The following PKD1 variants were observed in gnomAD, a reference collection of about 807,000 sequenced individuals.
PKD1 encodes the protein polycystin 1, transient receptor potential channel interacting, also known as polycystin-1.
PKD1 carries 81 observed loss-of-function variants against 361.7 expected under a neutral mutation model. The observed-to-expected ratio is 0.22, with a 90% CI of 0.19 to 0.27. The LOEUF (loss-of-function observed/expected upper bound fraction) is 0.27. Ranked by LOEUF, PKD1 falls within the 10% of genes least tolerant of loss-of-function variation. The pLI is 1.00. For missense variants in PKD1, 6,399 were observed against 6,118.3 expected, an observed-to-expected ratio of 1.05 and a Z score of -1.53; for synonymous variants, 3,615 against 2,818.3, an observed-to-expected ratio of 1.28 and a Z score of -8.95.
chr16:2,108,613 T>C lies in PKD1; in HGVS notation c.6554A>G (p.Tyr2185Cys). 1 of 1,559,108 alleles carries C rather than the reference T, an allele frequency of 6.4e-7. No homozygotes were observed. Among genetic ancestry groups the C allele is most frequent in the Non-Finnish European group, 8.7e-7 (1 of 1,152,386 alleles). The part of the protein sequence containing the change: ...LRDCVTYQTE[Y>C]RWEVYRTASC... ...GGCGGTGCGATACACCTCCCAGCGG[T>C]ACTCAGTCTGGTAGGTGACGCAGTC... The change falls in exon 15 of 46, where the codon TAC (tyrosine) becomes TGC (cysteine). Residue 2185 changes from tyrosine to cysteine, a missense_variant. Transcript: ENST00000262304.
chr16:2,111,957 C>T (rs1035273206), intron 14 of PKD1, 86 bp from the exon 15 acceptor site: 5 of 1,407,114 alleles, frequency 3.6e-6, no homozygotes, highest in South Asian at 2.4e-5. Flanking sequence ...CTGAGGAGCC[C>T]GGGGTGAACG....
Position 2,135,643 on chromosome 16 carries a change from C to T in PKD1, c.47G>A (p.Gly16Asp). 1.2e-6 allele frequency: 1 copy of T among 851,888 alleles called. No homozygotes were observed. 52.8% of individuals were successfully genotyped at this position (851,888 alleles called of 1,614,324 possible). Residue 16 changes from glycine (G) to aspartate (D), a missense_variant, in exon 1 of 46, where the codon GGC (glycine) becomes GAC (aspartate). Gly to Asp is a moderately conservative substitution (Grantham distance 94). Coordinates refer to ENST00000262304, the MANE Select transcript of PKD1 (RefSeq NM_001009944.3). ...CCCCGCCAGCGCCCCGAGCCACAGG[C>T]CCAGGCCCAGGGCCAGCGCCAGGCG... ...PARLALALGL[G>D]LWLGALAGGP...
intron 1 of PKD1, among the ~76,000 whole-genome samples, chr16:2,130,140 C>T (rs1203934253): frequency 6.6e-6 from 1 of 152,332 alleles, no homozygotes; most frequent in African/African-American, 2.4e-5. Context: ...AAGAAACTAC[C>T]GTTTCTCACG....
rs1435186711 is a variant in PKD1 at position 2,102,399 on chromosome 16, A to G, written c.9183T>C (p.His3061=). ...CACTCACAGGAAACACAAAGCGGAC[A>G]TGGCTTGGGGGCACGAAGAGGCTGG... ...FGASLFVPPS[H]VRFVFPEPTA... The change falls in exon 25 of 46, where the codon CAT becomes CAC. Residue 3061 remains histidine, a synonymous_variant. Coordinates refer to ENST00000262304, the MANE Select transcript of PKD1 (RefSeq NM_001009944.3). The G allele has an allele frequency of 1.9e-6, 3 of 1,558,842 alleles. No individual in the cohort carries two copies. The highest frequency in any genetic ancestry group is 4.8e-5 in the East Asian group (2 of 42,006).
rs142285430 is a variant in PKD1 at position 2,088,881 on chromosome 16, G to GCGCGCGCACACACACACACACA, written c.*845_*846insTGTGTGTGTGTGTGTGCGCGCG. 2.4e-6 allele frequency: 1 copy of GCGCGCGCACACACACACACACA among 420,700 alleles called. No homozygotes were observed. The allele number at this position is 420,700 out of a possible 1,614,324, so 26.1% of individuals were successfully genotyped here. A position where few individuals can be genotyped will look rare whatever the true frequency, so the allele number is the denominator to read the frequency against. On this transcript the variant is annotated 3_prime_UTR_variant, in exon 46 of 46. Transcript: ENST00000262304. Reference sequence around the variant, plus strand: ...ACAGCACACTCGCGCGTGCGCGCGCGCACACACACACACACACAGTCACCT... The same window carrying GCGCGCGCACACACACACACACA: ...ACAGCACACTCGCGCGTGCGCGCGCGCGCGCGCACACACACACACACACACACACACACACACACAGTCACCT...
At chr16:2,092,404 TG>T (rs1411117817) in intron 39 of PKD1, 75 bp downstream of exon 39, 3 of 1,109,204 alleles carry the variant, frequency 2.7e-6, no homozygotes, top group African/African-American at 3.1e-5. Context: ...GCAGGGCTGA[TG>T]CCAGAGCTCC....
Position 2,106,651 on chromosome 16 carries a change from G to C in PKD1, c.7236C>G (p.Asn2412Lys). 6.3e-7 allele frequency: 1 copy of C among 1,597,588 alleles called. No homozygotes were observed. Among genetic ancestry groups the C allele is most frequent in the South Asian group, 1.1e-5 (1 of 90,848 alleles). Residue 2412 changes from asparagine to lysine, a missense_variant, in exon 18 of 46, where the codon AAC becomes AAG. Asn to Lys is a moderately conservative substitution (Grantham distance 94). Transcript: ENST00000262304. The surrounding 1 kb of genome is among the most constrained non-coding windows in gnomAD (Gnocchi z 6.5). ...RGRWAARTFSNKTLVLDETTT... is the reference protein window; with the variant it reads ...RGRWAARTFSKKTLVLDETTT... Reference sequence around the variant, plus strand: ...TGGTCTCATCCAGCACCAGCGTCTTGTTGCTGAACGTACGTGCAGCCCACC... The same window carrying C: ...TGGTCTCATCCAGCACCAGCGTCTTCTTGCTGAACGTACGTGCAGCCCACC...
In PKD1 at chr16:2,116,867, C is replaced by G; in HGVS notation, c.1572G>C (p.Ala524=). ...TGWCNTDLCS[A]PHSYVCELQP... is the part of the protein sequence containing the mutation. Reference sequence around the variant, plus strand: ...GCAGCTCGCAGACGTAGCTGTGCGGCGCTGAGCACAGGTCGGTGTTACACC... The same window carrying G: ...GCAGCTCGCAGACGTAGCTGTGCGGGGCTGAGCACAGGTCGGTGTTACACC... The change falls in exon 7 of 46, where the codon GCG becomes GCC. Residue 524 remains alanine, a synonymous_variant. Coordinates refer to ENST00000262304, the MANE Select transcript of PKD1 (RefSeq NM_001009944.3). The G allele has an allele frequency of 6.5e-7, 1 of 1,531,528 alleles. No homozygotes were observed. Among genetic ancestry groups the G allele is most frequent in the Non-Finnish European group, 8.7e-7 (1 of 1,143,254 alleles). The allele number at this position is 1,531,528 out of a possible 1,614,324, so 94.9% of individuals were successfully genotyped here.
chr16:2,121,632 C>CTGGG (rs1415539815), intron 1 of PKD1, among the ~76,000 whole-genome samples: 1 of 151,936 alleles, frequency 6.6e-6, no homozygotes, highest in African/African-American at 2.4e-5. Context: ...AGACAGAGAG[C>CTGGG]TGGGGCAAAC....
intron 8 of PKD1, 32 bp downstream of exon 8, chr16:2,116,497 G>C: frequency 8.3e-7 from 1 of 1,209,900 alleles, no homozygotes; most frequent in Non-Finnish European, 1.2e-6. Context: ...GCAGGCAGGA[G>C]GGCAGGTTGT....
Position 2,090,360 on chromosome 16 carries a change from C to T in PKD1, c.12369G>A (p.Glu4123=), listed in dbSNP as rs747901280. ...LRGELYRPAW[E]PQDYEMVELF... ...ACTCCACCATCTCGTAGTCCTGGGG[C>T]TCCCAGGCCGGCCGGTACAGCTCTC... Residue 4123 remains glutamate, a synonymous_variant, in exon 45 of 46, where the codon GAG becomes GAA. Transcript: ENST00000262304. The T allele has an allele frequency of 2.7e-5, 43 of 1,612,498 alleles. No individual in the cohort carries two copies. The highest frequency in any genetic ancestry group is 3.4e-5 in the Non-Finnish European group (40 of 1,179,896).
chr16:2,120,206 T>C (rs945738216), intron 1 of PKD1: 6 of 297,208 alleles, frequency 2.0e-5, no homozygotes, highest in African/African-American at 6.5e-5. Context: ...GGCGAGACTC[T>C]ACCTCAAAAA....
Position 2,089,598 on chromosome 16 carries a change from G to A in PKD1, c.*129C>T, listed in dbSNP as rs996975085. The A allele has an allele frequency of 5.8e-5, 67 of 1,156,160 alleles. No individual in the cohort carries two copies. Among genetic ancestry groups the A allele is most frequent in the Non-Finnish European group, 7.7e-5 (62 of 810,210 alleles). 71.6% of individuals were successfully genotyped at this position (1,156,160 alleles called of 1,614,324 possible). On this transcript the variant is annotated 3_prime_UTR_variant, in exon 46 of 46. Coordinates refer to ENST00000262304, the MANE Select transcript of PKD1 (RefSeq NM_001009944.3). ...TGCTGAAGCCCACAGACAGACAGAT[G>A]CCCCTGCCTGCTCTCTGGGGAACCT...
In PKD1 at chr16:2,102,197, G is replaced by C. The variant is rs994900237; in HGVS notation, c.9261C>G (p.Thr3087=). The C allele has an allele frequency of 3.2e-5, 48 of 1,512,316 alleles. No homozygotes were observed. The African/African-American group carries it at 3.6e-4, about 11-fold the overall frequency. 93.7% of individuals were successfully genotyped at this position (1,512,316 alleles called of 1,614,324 possible). A position where few individuals can be genotyped will look rare whatever the true frequency, so the allele number is the denominator to read the frequency against. The stretch of plus-strand genomic sequence containing the variant: ...GCAGGATGGCGGCCATGACCATGTA[G>C]GTCACCAGGCACACAGCACATGTCA... ...VMLTCAVCLV[T]YMVMAAILHK... is the part of the protein sequence containing the mutation. Residue 3087 remains threonine, a synonymous_variant, in exon 26 of 46, where the codon ACC becomes ACG. Transcript: ENST00000262304.
chr16:2,104,986 G>A (rs1397172428), intron 21 of PKD1, among the ~76,000 whole-genome samples: 1 of 94,198 alleles, frequency 1.1e-5, no homozygotes, highest in Non-Finnish European at 2.3e-5. Flanking sequence ...GGGGAGGAGG[G>A]GAAGGGCTAG....
chr16:2,133,882 G>A (rs1230455819), intron 1 of PKD1, among the ~76,000 whole-genome samples: 3 of 151,832 alleles, frequency 2.0e-5, no homozygotes, highest in Non-Finnish European at 2.9e-5. Context: ...AGGCAGGGGC[G>A]GGGGCTCCAC....
chr16:2,118,443 G>A lies in PKD1; in HGVS notation c.549C>T (p.Cys183=), dbSNP rs1391551574. Residue 183 remains cysteine (C), a synonymous_variant, in exon 5 of 46, where the codon TGC becomes TGT. Coordinates refer to ENST00000262304, the MANE Select transcript of PKD1 (RefSeq NM_001009944.3). The surrounding 1 kb of genome is among the most constrained non-coding windows in gnomAD (Gnocchi z 6.0). ...DSGCGEEYVA[C]LPDNSSGTVA... is the part of the protein sequence containing the mutation. ...CGGTGCCTGAGCTGTTGTCAGGGAG[G>A]CAGGCGACATACTCCTCACCTAGAA... 1.7e-6 allele frequency: 2 copies of A among 1,185,850 alleles called. No homozygotes were observed. The highest frequency in any genetic ancestry group is 1.5e-5 in the African/African-American group (1 of 66,178). 73.5% of individuals were successfully genotyped at this position (1,185,850 alleles called of 1,614,324 possible).
chr16:2,092,367 A>C (rs2091634210), intron 39 of PKD1, 113 bp downstream of exon 39: 1 of 967,818 alleles, frequency 1.0e-6, no homozygotes, highest in Non-Finnish European at 1.6e-6. Flanking sequence ...GGCGGTGTTA[A>C]GAGGGCAAAG....
In PKD1 at chr16:2,097,971, G is replaced by A. The variant is rs781263445; in HGVS notation, c.10064C>T (p.Pro3355Leu). The change falls in exon 31 of 46, where the codon CCG becomes CTG. Residue 3355 changes from proline to leucine, a missense_variant. Physicochemically the swap from Pro to Leu is moderately conservative, Grantham distance 98. Coordinates refer to ENST00000262304, the MANE Select transcript of PKD1 (RefSeq NM_001009944.3). ...RMSRSKVAGS[P>L]SPTPAGQQVL... ...CTGCTGCCCGGCAGGTGTGGGGCTC[G>A]GGCTCCCAGCCACCTGCAGGACGAG... 1.1e-5 allele frequency: 17 copies of A among 1,583,842 alleles called. No individual in the cohort carries two copies. Among genetic ancestry groups the A allele is most frequent in the Non-Finnish European group, 1.2e-5 (14 of 1,158,672 alleles).
Sources: allele counts gnomAD v4.1 joint callset (sites outside exome capture counted in the v4.1 genomes callset), GRCh38; gene constraint gnomAD v4.1.1; non-coding constraint Gnocchi (gnomAD v3.1); transcripts MANE v1.5; gene names NCBI Gene and HGNC (gene_info 2026-07-23, HGNC 2026-07-21).